The following TIAL1 variants were observed in gnomAD, a reference collection of about 807,000 sequenced individuals.
TIAL1 encodes nucleolysin TIAR.
In TIAL1, 7 loss-of-function variants were observed where a neutral mutation model predicts 59.7. That is an observed-to-expected ratio of 0.12 (90% confidence interval 0.07 to 0.22). The LOEUF (loss-of-function observed/expected upper bound fraction) is 0.22. Among genes scored for constraint, TIAL1 ranks in the 10% least tolerant of loss-of-function variants. The pLI is 1.00. For missense variants in TIAL1, 225 were observed against 462.5 expected, an observed-to-expected ratio of 0.49 and a Z score of 4.71; for synonymous variants, 149 against 146.3, an observed-to-expected ratio of 1.02 and a Z score of -0.13.
In TIAL1 at chr10:119,574,241, C is replaced by G. The variant is rs1844845818; in HGVS notation, c.*1424G>C. 6.6e-6 allele frequency: 1 copy of G among 152,422 alleles called. No individual in the cohort carries two copies. Among genetic ancestry groups the G allele is most frequent in the Non-Finnish European group, 1.5e-5 (1 of 68,028 alleles). The allele number at this position is 152,422 out of a possible 1,614,324, so 9.4% of individuals were successfully genotyped here. On this transcript the variant is annotated 3_prime_UTR_variant, in exon 12 of 12. Transcript: ENST00000436547. ...GAAAGCAAACCTCGGTCTTCTGCAT[C>G]TTCCAATTGATTCCTTTACAAACTC...
chr10:119,596,210 G>A (rs1846179574), intron 1 of TIAL1, among the ~76,000 whole-genome samples: 1 of 152,180 alleles, frequency 6.6e-6, no homozygotes, highest in Non-Finnish European at 1.5e-5. Flanking sequence ...AGAGAAAAAG[G>A]TCGAGACAAG....
At chr10:119,593,518 A>G (rs1845994210) in intron 1 of TIAL1, 1 of 985,704 alleles carries the variant, frequency 1.0e-6, no homozygotes, top group Non-Finnish European at 1.2e-6. Context: ...GTGTGTCTGC[A>G]GGAAAAAAAC....
chr10:119,594,742 A>G (rs1018192305), intron 1 of TIAL1, among the ~76,000 whole-genome samples: 1 of 152,104 alleles, frequency 6.6e-6, no homozygotes, highest in Admixed American at 6.5e-5. Flanking sequence ...CTCCTGCCTC[A>G]GCCTCCCAAG....
intron 11 of TIAL1, 25 bp downstream of exon 11, chr10:119,576,586 T>C (rs371742812): frequency 2.7e-5 from 44 of 1,610,888 alleles, no homozygotes; most frequent in Non-Finnish European, 3.6e-5. Flanking sequence ...TACGTTTCTA[T>C]ACTGGAAAAA....
At chr10:119,577,059 T>C in intron 10 of TIAL1, 21 bp downstream of exon 10, 1 of 1,611,898 alleles carries the variant, frequency 6.2e-7, no homozygotes, top group Admixed American at 1.7e-5. Context: ...CCTTAAAGAA[T>C]GCTATGAAAA....
chr10:119,576,497 A>G, intron 11 of TIAL1, 114 bp downstream of exon 11: 2 of 1,374,790 alleles, frequency 1.5e-6, no homozygotes, highest in Non-Finnish European at 9.9e-7. Context: ...TAATGCTCAT[A>G]ATGCCAAATA....
chr10:119,596,241 CTGTT>C (rs977921430), intron 1 of TIAL1, among the ~76,000 whole-genome samples, 189 bp downstream of exon 1: 5 of 152,286 alleles, frequency 3.3e-5, no homozygotes, highest in African/African-American at 1.2e-4. Flanking sequence ...CAGGAAGTGA[CTGTT>C]TGGGGGAAGG....
At chr10:119,589,904 ATTTC>A (rs1446411875) in intron 1 of TIAL1, among the ~76,000 whole-genome samples, 47 of 152,302 alleles carry the variant, frequency 3.1e-4, no homozygotes, top group African/African-American at 1.1e-3. Flanking sequence ...TGGAAAGTAG[ATTTC>A]TTTTTCTACT....
Position 119,573,533 on chromosome 10 carries a change from A to C in TIAL1, c.*2132T>G, listed in dbSNP as rs1475278345. The C allele has an allele frequency of 6.6e-6, 1 of 152,618 alleles. No homozygotes were observed. Among genetic ancestry groups the C allele is most frequent in the Non-Finnish European group, 1.5e-5 (1 of 68,034 alleles). The allele number at this position is 152,618 out of a possible 1,614,324, so 9.5% of individuals were successfully genotyped here. A position where few individuals can be genotyped will look rare whatever the true frequency, so the allele number is the denominator to read the frequency against. ...ATAGAATATACAGTCAGGAAACACT[A>C]CAGCTATATTTAGCTGTTAGTTATC... On this transcript the variant is annotated 3_prime_UTR_variant, in exon 12 of 12. Coordinates refer to ENST00000436547, the MANE Select transcript of TIAL1 (RefSeq NM_003252.4).
At position 119,580,377 on chromosome 10, in the gene TIAL1, C is replaced by G. The variant is rs574183044; in HGVS notation, c.372-367G>C. ...TACTAACTACTTTACCATGCAATCT[C>G]TAAATAGTTAAATGTCTTCTGCCTA... On this transcript the variant is annotated intron_variant, in intron 5 of 11. Transcript: ENST00000436547. The G allele has an allele frequency of 2.7e-5, 13 of 473,282 alleles. No homozygotes were observed. In the South Asian group the frequency reaches 7.4e-4, roughly 27 times the overall value. The allele number at this position is 473,282 out of a possible 1,614,324, so 29.3% of individuals were successfully genotyped here.
intron 1 of TIAL1, among the ~76,000 whole-genome samples, chr10:119,590,762 GAGAA>G (rs60594014): frequency 0.15 from 19,174 of 124,982 alleles, 1,524 homozygotes; most frequent in African/African-American, 0.18. Flanking sequence ...GAGAGAAAGA[GAGAA>G]AGAAAGAAAG....
intron 5 of TIAL1, 109 bp downstream of exon 5, chr10:119,581,813 C>T: frequency 1.2e-6 from 1 of 839,050 alleles, no homozygotes; most frequent in Non-Finnish European, 1.8e-6. Flanking sequence ...AAATAAGAAA[C>T]AAAACAAAAC....
intron 7 of TIAL1, among the ~76,000 whole-genome samples, chr10:119,578,440 G>A (rs760169220): frequency 6.6e-6 from 1 of 151,934 alleles, no homozygotes; most frequent in South Asian, 2.1e-4. Context: ...ACGTCAGCCT[G>A]GACAACGTAA....
intron 5 of TIAL1, chr10:119,580,531 T>C (rs1845253190): frequency 9.9e-7 from 1 of 1,013,474 alleles, no homozygotes; most frequent in Non-Finnish European, 1.2e-6. Context: ...ATTTTGGAGT[T>C]TGGGCAGCTG....
chr10:119,576,661 C>T lies in TIAL1; in HGVS notation c.951G>A (p.Pro317=), dbSNP rs542736265. 5.1e-4 allele frequency: 822 copies of T among 1,614,154 alleles called. 5 individuals are homozygous for T. The South Asian group carries it at 8.1e-3, about 16-fold the overall frequency. The change falls in exon 11 of 12, where the codon CCG becomes CCA. Residue 317 remains proline, a synonymous_variant. Transcript: ENST00000436547. ...ATGGTTGCCCGTATACTCCATAAGG[C>T]GGTACTTGCCACCCATTTGCCATAT... is the stretch of plus-strand genomic sequence containing the variant. ...GQYMANGWQV[P]PYGVYGQPWN...
chr10:119,580,227 A>G, intron 5 of TIAL1: 1 of 460,416 alleles, frequency 2.2e-6, no homozygotes, highest in South Asian at 4.8e-5. Context: ...ACCTAATCAA[A>G]TAGCCTGTGC....
intron 2 of TIAL1, among the ~76,000 whole-genome samples, 172 bp downstream of exon 2, chr10:119,587,980 C>G (rs980632293): frequency 3.9e-5 from 6 of 152,162 alleles, no homozygotes; most frequent in African/African-American, 1.4e-4. Flanking sequence ...AAACTTTGCC[C>G]TCTTAAATAA....
chr10:119,581,474 C>T (rs1401592544), intron 5 of TIAL1, among the ~76,000 whole-genome samples: 1 of 151,934 alleles, frequency 6.6e-6, no homozygotes, highest in Non-Finnish European at 1.5e-5. Flanking sequence ...CCAATTTAAT[C>T]ACAATATATC....
chr10:119,575,551 AT>A lies in TIAL1; in HGVS notation c.*113del. The stretch of plus-strand genomic sequence containing the variant: ...CAAATCTGTGCTAAAGGTTCCAAAC[AT>A]TTCAATTTTTAAAATAAATATTTTC... On this transcript the variant is annotated 3_prime_UTR_variant, in exon 12 of 12. Coordinates refer to ENST00000436547, the MANE Select transcript of TIAL1 (RefSeq NM_003252.4). 1 of 1,443,484 alleles carries A rather than the reference AT, an allele frequency of 6.9e-7. No individual in the cohort carries two copies. Among genetic ancestry groups the A allele is most frequent in the South Asian group, 1.2e-5 (1 of 82,566 alleles). The allele number at this position is 1,443,484 out of a possible 1,614,324, so 89.4% of individuals were successfully genotyped here. A position where few individuals can be genotyped will look rare whatever the true frequency, so the allele number is the denominator to read the frequency against.
Sources: allele counts gnomAD v4.1 joint callset (sites outside exome capture counted in the v4.1 genomes callset), GRCh38; gene constraint gnomAD v4.1.1; transcripts MANE v1.5; gene names NCBI Gene and HGNC (gene_info 2026-07-23, HGNC 2026-07-21).